The following SERPINB3 variants were observed in gnomAD, a reference collection of about 807,000 sequenced individuals.
The protein encoded by SERPINB3 is serpin B3.
Under a neutral mutation model 33.0 loss-of-function variants are expected in SERPINB3, and 33 were observed. The observed-to-expected ratio is 1.00, with a 90% CI of 0.76 to 1.34. The LOEUF is 1.34. Ranked by LOEUF, SERPINB3 falls within the 40% of genes most tolerant of loss-of-function variation. The pLI is 0.00. For synonymous variants in SERPINB3, 200 were observed against 170.9 expected, an observed-to-expected ratio of 1.17 and a Z score of -1.33; for missense variants, 518 against 461.5, an observed-to-expected ratio of 1.12 and a Z score of -1.12.
chr18:63,656,097 C>G (rs775349664), intron 7 of SERPINB3, 36 bp from the exon 8 acceptor site: 34 of 1,593,778 alleles, frequency 2.1e-5, no homozygotes, highest in Non-Finnish European at 2.7e-5. Context: ...ATATGACTAA[C>G]TGTTGATTTC....
rs772234230 is a variant in SERPINB3, at chr18:63,661,259, T to G, written c.-26-17A>C. On this transcript the variant is annotated splice_polypyrimidine_tract_variant and intron_variant, in intron 1 of 7. Coordinates refer to ENST00000283752, the MANE Select transcript of SERPINB3 (RefSeq NM_006919.3). The stretch of plus-strand genomic sequence containing the variant: ...CTGGAACTCCTGGAAAAGCATCAGA[T>G]TCCTGTCAGAATGACTTTAATAAAT... 15 of 1,591,632 alleles carry G rather than the reference T, an allele frequency of 9.4e-6. No homozygotes were observed. Among genetic ancestry groups the G allele is most frequent in the Middle Eastern group, 1.7e-4 (1 of 5,936 alleles).
At position 63,657,361 on chromosome 18, in the gene SERPINB3, A is replaced by G; in HGVS notation, c.521T>C (p.Leu174Ser). ...PEGNIGSNTTLVLVNAIYFKG... is the reference protein window; with the variant it reads ...PEGNIGSNTTSVLVNAIYFKG... ...GAAATAGATTGCGTTCACAAGAACC[A>G]ATGTGGTATTGCTGCCAATATTACC... Residue 174 changes from leucine to serine, a missense_variant, in exon 6 of 8, where the codon TTG (leucine) becomes TCG (serine). By Grantham distance (145) the Leu-to-Ser change is moderately radical. Coordinates refer to ENST00000283752, the MANE Select transcript of SERPINB3 (RefSeq NM_006919.3). 1 of 1,610,800 alleles carries G rather than the reference A, an allele frequency of 6.2e-7. No homozygotes were observed. Among genetic ancestry groups the G allele is most frequent in the Non-Finnish European group, 8.5e-7 (1 of 1,177,850 alleles).
chr18:63,657,003 T>G lies in SERPINB3; in HGVS notation c.613-17A>C. The G allele has an allele frequency of 3.2e-6, 5 of 1,584,728 alleles. No homozygotes were observed. Among genetic ancestry groups the G allele is most frequent in the Non-Finnish European group, 4.3e-6 (5 of 1,160,422 alleles). On this transcript the variant is annotated splice_polypyrimidine_tract_variant and intron_variant, in intron 6 of 7. Coordinates refer to ENST00000283752, the MANE Select transcript of SERPINB3 (RefSeq NM_006919.3). Reference sequence around the variant, plus strand: ...GTATGTATTCTACAATAAATCAATGTGTCCAACAAATACCAAGTGAGACAC... The same window carrying G: ...GTATGTATTCTACAATAAATCAATGGGTCCAACAAATACCAAGTGAGACAC...
chr18:63,655,485 GAA>G lies in SERPINB3; in HGVS notation c.*170_*171del, dbSNP rs1832714567. 1.8e-5 allele frequency: 13 copies of G among 716,316 alleles called. No individual in the cohort carries two copies. Among genetic ancestry groups the G allele is most frequent in the Non-Finnish European group, 2.7e-5 (12 of 448,986 alleles). 44.4% of individuals were successfully genotyped at this position (716,316 alleles called of 1,614,324 possible). A position where few individuals can be genotyped will look rare whatever the true frequency, so the allele number is the denominator to read the frequency against. Reference sequence around the variant, plus strand: ...ACATTTATATGTGGGCTTATTAAGAGAAAGAGAGAAAGGCATGCTATTTTAAT... The same window carrying G: ...ACATTTATATGTGGGCTTATTAAGAGAGAGAGAAAGGCATGCTATTTTAAT... On this transcript the variant is annotated 3_prime_UTR_variant, in exon 8 of 8. Coordinates refer to ENST00000283752, the MANE Select transcript of SERPINB3 (RefSeq NM_006919.3).
chr18:63,656,661 T>C (rs2144492052), intron 7 of SERPINB3, among the ~76,000 whole-genome samples, 170 bp downstream of exon 7: 1 of 152,348 alleles, frequency 6.6e-6, no homozygotes, highest in South Asian at 2.1e-4. Context: ...TCAGTTTGTG[T>C]CAGGCCCTAT....
Position 63,657,298 on chromosome 18 carries a change from G to A in SERPINB3, c.584C>T (p.Thr195Ile). Residue 195 changes from threonine (T) to isoleucine (I), a missense_variant, in exon 6 of 8, where the codon ACT (threonine) becomes ATT (isoleucine). By Grantham distance (89) the Thr-to-Ile change is moderately conservative. Transcript: ENST00000283752. Reference protein sequence around the residue: ...QWEKKFNKEDTKEEKFWPNKN... With the variant: ...QWEKKFNKEDIKEEKFWPNKN... ...GTTTGGCCAAAATTTTTCCTCTTTA[G>A]TATCTTCTTTATTAAATTTCTTCTC... 1.9e-6 allele frequency: 3 copies of A among 1,600,802 alleles called. No individual in the cohort carries two copies. The highest frequency in any genetic ancestry group is 2.6e-6 in the Non-Finnish European group (3 of 1,170,664).
At position 63,656,939 on chromosome 18, in the gene SERPINB3, A is replaced by C. The variant is rs1456490700; in HGVS notation, c.660T>G (p.His220Gln). The change falls in exon 7 of 8, where the codon CAT becomes CAG. Residue 220 changes from histidine to glutamine, a missense_variant. His to Gln is a conservative substitution (Grantham distance 24). Coordinates refer to ENST00000283752, the MANE Select transcript of SERPINB3 (RefSeq NM_006919.3). ...CCTGTACATCCTCCAGCGAGGCAAAATGAAAAGATGTGTATTGCCTCATCA... is the reference window on the plus strand; with the variant it reads ...CCTGTACATCCTCCAGCGAGGCAAACTGAAAAGATGTGTATTGCCTCATCA... ...IQMMRQYTSF[H>Q]FASLEDVQAK... is the part of the protein sequence containing the mutation. 1.9e-6 allele frequency: 3 copies of C among 1,613,296 alleles called. No homozygotes were observed. Among genetic ancestry groups the C allele is most frequent in the East Asian group, 4.5e-5 (2 of 44,840 alleles).
At position 63,655,782 on chromosome 18, in the gene SERPINB3, C is replaced by G. The variant is rs565685500; in HGVS notation, c.1048G>C (p.Val350Leu). Residue 350 changes from valine to leucine, a missense_variant, in exon 8 of 8, where the codon GTA becomes CTA. By Grantham distance (32) the Val-to-Leu change is conservative. Transcript: ENST00000283752. ...GAEAAAATAV[V>L]GFGSSPTSTN... is the part of the protein sequence containing the mutation. Reference sequence around the variant, plus strand: ...GAAGTAGGTGATGATCCGAATCCTACTACAGCGGTGGCAGCTGCAGCTTCT... The same window carrying G: ...GAAGTAGGTGATGATCCGAATCCTAGTACAGCGGTGGCAGCTGCAGCTTCT... 6.2e-7 allele frequency: 1 copy of G among 1,613,908 alleles called. No individual in the cohort carries two copies. Among genetic ancestry groups the G allele is most frequent in the Admixed American group, 1.7e-5 (1 of 59,994 alleles).
At chr18:63,656,210 G>T in intron 7 of SERPINB3, 149 bp from the exon 8 acceptor site, 3 of 952,824 alleles carry the variant, frequency 3.1e-6, no homozygotes, top group Non-Finnish European at 4.6e-6. Context: ...ATTCTAATAG[G>T]CAAAATATGA....
chr18:63,656,334 A>G (rs541062990), intron 7 of SERPINB3, among the ~76,000 whole-genome samples: 7 of 152,300 alleles, frequency 4.6e-5, no homozygotes, highest in African/African-American at 1.7e-4. Context: ...ATACACATGT[A>G]AAAATATGAT....
At chr18:63,661,337 T>C in intron 1 of SERPINB3, 95 bp from the exon 2 acceptor site, 7 of 1,360,720 alleles carry the variant, frequency 5.1e-6, no homozygotes, top group Non-Finnish European at 7.0e-6. Flanking sequence ...ATCTGTGTTG[T>C]GAGATTTTGA....
At position 63,657,331 on chromosome 18, in the gene SERPINB3, C is replaced by T. The variant is rs867961078; in HGVS notation, c.551G>A (p.Gly184Glu). 3.1e-6 allele frequency: 5 copies of T among 1,609,652 alleles called. No individual in the cohort carries two copies. The highest frequency in any genetic ancestry group is 4.2e-6 in the Non-Finnish European group (5 of 1,177,050). The change falls in exon 6 of 8, where the codon GGG (glycine) becomes GAG (glutamate). Residue 184 changes from glycine to glutamate, a missense_variant. Coordinates refer to ENST00000283752, the MANE Select transcript of SERPINB3 (RefSeq NM_006919.3). ...TTTATTAAATTTCTTCTCCCACTGC[C>T]CTTTGAAATAGATTGCGTTCACAAG... ...LVLVNAIYFK[G>E]QWEKKFNKED...
chr18:63,659,263 C>T lies in SERPINB3; in HGVS notation c.351+136G>A, dbSNP rs571091497. ...CTCCAGTGGGGGAGAGTTGTGGAAA[C>T]GGAGCTATTGCACTCTGAGTAAATG... On this transcript the variant is annotated intron_variant, in intron 4 of 7. Transcript: ENST00000283752. 201 of 903,236 alleles carry T rather than the reference C, an allele frequency of 2.2e-4. 1 individual carries two copies. Among genetic ancestry groups the T allele is most frequent in the South Asian group, 5.6e-4 (38 of 68,320 alleles). The allele number at this position is 903,236 out of a possible 1,614,324, so 56.0% of individuals were successfully genotyped here.
chr18:63,661,329 C>A (rs1475456171), intron 1 of SERPINB3, 87 bp from the exon 2 acceptor site: 54 of 1,406,924 alleles, frequency 3.8e-5, no homozygotes, highest in Non-Finnish European at 5.0e-5. Flanking sequence ...AATTATATAT[C>A]TGTGTTGTGA....
At chr18:63,659,799 T>C (rs1486391495) in intron 3 of SERPINB3, among the ~76,000 whole-genome samples, 1 of 152,230 alleles carries the variant, frequency 6.6e-6, no homozygotes, top group Non-Finnish European at 1.5e-5. Context: ...GATTTTGTCC[T>C]TGTTGGTTTA....
At position 63,655,732 on chromosome 18, in the gene SERPINB3, A is replaced by G. The variant is rs1913474151; in HGVS notation, c.1098T>C (p.Asn366=). The G allele has an allele frequency of 2.5e-6, 4 of 1,613,944 alleles. No homozygotes were observed. The highest frequency in any genetic ancestry group is 1.7e-5 in the Admixed American group (1 of 59,988). ...GCCTTATGAAGAATAGGAAAGGGTG[A>G]TTACAATGGAACTCTTCATTAGTTG... ...PTSTNEEFHC[N]HPFLFFIRQN... Residue 366 remains asparagine (N), a synonymous_variant, in exon 8 of 8, where the codon AAT becomes AAC. Transcript: ENST00000283752.
chr18:63,661,348 C>A (rs938533763), intron 1 of SERPINB3, 106 bp from the exon 2 acceptor site: 2 of 1,270,286 alleles, frequency 1.6e-6, no homozygotes, highest in African/African-American at 1.5e-5. Context: ...GAGATTTTGA[C>A]ATTTAAAGTT....
chr18:63,660,552 G>A (rs1217578013), intron 3 of SERPINB3, among the ~76,000 whole-genome samples: 8 of 152,210 alleles, frequency 5.3e-5, no homozygotes, highest in Middle Eastern at 3.4e-3. Flanking sequence ...GAGCAAAGCT[G>A]GAGTCTGAAC....
At chr18:63,660,768 C>A in intron 3 of SERPINB3, 32 bp downstream of exon 3, 1 of 1,613,038 alleles carries the variant, frequency 6.2e-7, no homozygotes, top group Non-Finnish European at 8.5e-7. Flanking sequence ...GTTCGGGGAT[C>A]TAAAGCTGAA....
Sources: allele counts gnomAD v4.1 joint callset (sites outside exome capture counted in the v4.1 genomes callset), GRCh38; gene constraint gnomAD v4.1.1; transcripts MANE v1.5; gene names NCBI Gene and HGNC (gene_info 2026-07-23, HGNC 2026-07-21).